COG5: variants seen among roughly 807,000 people sequenced by gnomAD.
COG5 encodes conserved oligomeric Golgi complex subunit 5.
In COG5, 86 loss-of-function variants were observed where a neutral mutation model predicts 110.4. The ratio of observed to expected loss-of-function variants is 0.78; its 90% CI spans 0.65 to 0.93. COG5 has a LOEUF of 0.93. Among genes scored for constraint, COG5 ranks in the 40% least tolerant of loss-of-function variants. The probability of loss-of-function intolerance (pLI) is 0.00; values close to 1 mark genes in which losing one functional copy is unlikely to be tolerated. For synonymous variants in COG5, 360 were observed against 334.6 expected (o/e 1.08, Z -0.83); for missense variants, 1,077 against 987.0 (o/e 1.09, Z -1.22).
intron 5 of COG5, among the ~76,000 whole-genome samples, chr7:107,537,772 G>T (rs1801698157): frequency 6.6e-6 from 1 of 151,660 alleles, no homozygotes; most frequent in East Asian, 1.9e-4. Flanking sequence ...AAGAGCAAAG[G>T]ATTATTTGAA....
At chr7:107,334,371 A>G (rs1333361699) in intron 10 of COG5, among the ~76,000 whole-genome samples, 1 of 152,194 alleles carries the variant, frequency 6.6e-6, no homozygotes, top group African/African-American at 2.4e-5. Context: ...AAGTGTTCCA[A>G]GCTTGAAGAT....
chr7:107,452,897 A>G (rs1246455166), intron 6 of COG5, among the ~76,000 whole-genome samples: 2 of 152,122 alleles, frequency 1.3e-5, no homozygotes, highest in African/African-American at 4.8e-5. Flanking sequence ...TATTCTTCAT[A>G]TCTAGTTTAT....
chr7:107,435,125 G>A (rs567095562), intron 6 of COG5, among the ~76,000 whole-genome samples: 1 of 152,236 alleles, frequency 6.6e-6, no homozygotes, highest in East Asian at 1.9e-4. Context: ...GAAACAGAAA[G>A]TAGAATGGTG....
At chr7:107,288,905 G>GAGAT (rs770344721) in intron 12 of COG5, among the ~76,000 whole-genome samples, 30 of 67,284 alleles carry the variant, frequency 4.5e-4, no homozygotes, top group East Asian at 4.4e-3. Flanking sequence ...TTTTCTAACA[G>GAGAT]AGATATATAT....
intron 11 of COG5, among the ~76,000 whole-genome samples, chr7:107,320,651 A>C (rs1809181247): frequency 6.6e-6 from 1 of 152,190 alleles, no homozygotes; most frequent in South Asian, 2.1e-4. Flanking sequence ...TTGGTCAGTA[A>C]AAGAAGATCT....
chr7:107,541,515 A>ATATATATATATATATAT (rs1273703252), intron 5 of COG5, among the ~76,000 whole-genome samples: 4 of 100,284 alleles, frequency 4.0e-5, no homozygotes, highest in Non-Finnish European at 8.8e-5. Flanking sequence ...AAAAAAAAAA[A>ATATATATATATATATAT]AAAAAAAAAT....
chr7:107,368,289 GA>G (rs1813809440), intron 8 of COG5, among the ~76,000 whole-genome samples: 1 of 152,060 alleles, frequency 6.6e-6, no homozygotes, highest in African/African-American at 2.4e-5. Context: ...TCTGTTGAAT[GA>G]AAGTAAAATA....
At chr7:107,368,526 CT>C (rs1444211099) in intron 8 of COG5, among the ~76,000 whole-genome samples, 60 of 151,992 alleles carry the variant, frequency 3.9e-4, no homozygotes, top group African/African-American at 1.2e-3. Flanking sequence ...AAGTGTTCAC[CT>C]TATAATAATT....
intron 3 of COG5, among the ~76,000 whole-genome samples, chr7:107,550,367 G>T (rs553654828): frequency 6.6e-6 from 1 of 152,040 alleles, no homozygotes; most frequent in Non-Finnish European, 1.5e-5. Flanking sequence ...AAACTATTCC[G>T]AGTATTAATC....
chr7:107,447,300 T>A (rs1489079262), intron 6 of COG5, among the ~76,000 whole-genome samples: 3 of 152,218 alleles, frequency 2.0e-5, no homozygotes. Context: ...GTCTCATGTA[T>A]TACTTAGCCC....
At chr7:107,247,139 G>C (rs946919481) in intron 17 of COG5, among the ~76,000 whole-genome samples, 1 of 152,108 alleles carries the variant, frequency 6.6e-6, no homozygotes, top group Admixed American at 6.6e-5. Context: ...AATACTATGT[G>C]TTCTCACTTA....
chr7:107,509,182 C>A (rs1799287302), intron 6 of COG5, among the ~76,000 whole-genome samples: 1 of 151,946 alleles, frequency 6.6e-6, no homozygotes, highest in African/African-American at 2.4e-5. Flanking sequence ...CTAGAATAAC[C>A]AATGCAGAGA....
intron 16 of COG5, among the ~76,000 whole-genome samples, chr7:107,249,689 ATTGT>A (rs1802332664): frequency 1.0e-5 from 1 of 99,864 alleles, no homozygotes; most frequent in South Asian, 3.6e-4. Context: ...AACGTACAGG[ATTGT>A]GTGTGTGTGT....
chr7:107,409,230 G>GAAAA (rs11366303), intron 7 of COG5, among the ~76,000 whole-genome samples: 1 of 104,992 alleles, frequency 9.5e-6, no homozygotes, highest in African/African-American at 3.3e-5. Context: ...CAACGTCAAG[G>GAAAA]AAAAAAAAAA....
chr7:107,470,790 C>T (rs577351350), intron 6 of COG5, among the ~76,000 whole-genome samples: 1 of 151,664 alleles, frequency 6.6e-6, no homozygotes, highest in African/African-American at 2.4e-5. Context: ...TTTGCTGTTA[C>T]TTATTACTTA....
intron 7 of COG5, among the ~76,000 whole-genome samples, chr7:107,385,971 C>T (rs1358264055): frequency 7.2e-6 from 1 of 139,582 alleles, no homozygotes; most frequent in Non-Finnish European, 1.5e-5. Flanking sequence ...GTCTTTTGCC[C>T]AGCTTTAAAC....
At chr7:107,409,905 C>A (rs1303097077) in intron 7 of COG5, among the ~76,000 whole-genome samples, 2 of 152,120 alleles carry the variant, frequency 1.3e-5, no homozygotes, top group Non-Finnish European at 2.9e-5. Context: ...TCTGAAACAA[C>A]CATCTGTGAA....
At chr7:107,204,120 CTAGAA>C (rs1798573192) in intron 21 of COG5, among the ~76,000 whole-genome samples, 2 of 152,190 alleles carry the variant, frequency 1.3e-5, no homozygotes, top group African/African-American at 4.8e-5. Flanking sequence ...CAACCAACAA[CTAGAA>C]TAAGTGCTCT....
chr7:107,357,812 G>A (rs576810814), intron 10 of COG5, among the ~76,000 whole-genome samples: 1 of 152,276 alleles, frequency 6.6e-6, no homozygotes, highest in South Asian at 2.1e-4. Context: ...GGAACTACAG[G>A]TGTACACTAC....
Sources: gnomAD v4.1 joint callset for allele counts (sites outside exome capture counted in the v4.1 genomes callset) on GRCh38, gnomAD v4.1.1 for gene constraint, MANE v1.5 for transcripts, NCBI Gene and HGNC (gene_info 2026-07-23, HGNC 2026-07-21) for gene names.